The following MAPK8 variants were observed in gnomAD, a reference collection of about 807,000 sequenced individuals.
The protein encoded by MAPK8 is mitogen-activated protein kinase 8.
MAPK8 carries 13 observed loss-of-function variants against 52.9 expected under a neutral mutation model. The ratio of observed to expected loss-of-function variants is 0.25; its 90% CI spans 0.16 to 0.39. The LOEUF is 0.39. Among genes scored for constraint, MAPK8 ranks in the 10% least tolerant of loss-of-function variants. MAPK8 has a pLI of 1.00. For synonymous variants in MAPK8, 191 were observed against 169.8 expected (o/e 1.12, Z -0.97); for missense variants, 300 against 519.2 (o/e 0.58, Z 4.10).
At chr10:48,408,931 GA>G (rs2042603032) in intron 3 of MAPK8, among the ~76,000 whole-genome samples, 1 of 152,136 alleles carries the variant, frequency 6.6e-6, no homozygotes, top group African/African-American at 2.4e-5. Flanking sequence ...GAGAGGGAGA[GA>G]AAAATTGCTC....
At chr10:48,310,999 G>A (rs1454572962) in intron 1 of MAPK8, among the ~76,000 whole-genome samples, 6 of 56,696 alleles carry the variant, frequency 1.1e-4, no homozygotes, top group South Asian at 4.3e-4. Context: ...AGTTCTAATC[G>A]TGCTCCAATC....
intron 5 of MAPK8, among the ~76,000 whole-genome samples, chr10:48,416,573 G>A (rs1410116331): frequency 6.6e-6 from 1 of 152,154 alleles, no homozygotes; most frequent in Non-Finnish European, 1.5e-5. Flanking sequence ...CAGAAACATA[G>A]GAACTGGAAT....
chr10:48,331,098 A>G (rs993568404), intron 1 of MAPK8, among the ~76,000 whole-genome samples: 1 of 152,154 alleles, frequency 6.6e-6, no homozygotes, highest in East Asian at 1.9e-4. Flanking sequence ...CACCCCGTTT[A>G]CTGTCCAACC....
intron 5 of MAPK8, among the ~76,000 whole-genome samples, chr10:48,414,568 A>ATTTTT (rs3047769): frequency 6.8e-5 from 6 of 88,446 alleles, no homozygotes; most frequent in African/African-American, 9.4e-5. Flanking sequence ...GTTGAAAAGA[A>ATTTTT]TTTTTTTTTT....
chr10:48,421,506 G>C (rs1314827168), intron 6 of MAPK8, among the ~76,000 whole-genome samples: 3 of 152,088 alleles, frequency 2.0e-5, no homozygotes, highest in Admixed American at 6.6e-5. Flanking sequence ...AAGAAAAACT[G>C]TCATATATAG....
intron 1 of MAPK8, among the ~76,000 whole-genome samples, chr10:48,360,661 G>A (rs915697467): frequency 5.3e-5 from 8 of 152,106 alleles, no homozygotes; most frequent in African/African-American, 1.9e-4. Context: ...ACTCTCACAC[G>A]CATGTATCAC....
At position 48,436,590 on chromosome 10, in the gene MAPK8, C is replaced by A. The variant is rs1283386957; in HGVS notation, c.*1561C>A. ...AATTTGTGACCAACAGGAGCAAGAA[C>A]AGGTGCGGCTCAACATGCAATGTCT... On this transcript the variant is annotated 3_prime_UTR_variant, in exon 12 of 12. Transcript: ENST00000374189. The A allele has an allele frequency of 6.6e-6, 1 of 152,214 alleles. No homozygotes were observed. The highest frequency in any genetic ancestry group is 2.4e-5 in the African/African-American group (1 of 41,458). The allele number at this position is 152,214 out of a possible 1,614,324, so 9.4% of individuals were successfully genotyped here. A position where few individuals can be genotyped will look rare whatever the true frequency, so the allele number is the denominator to read the frequency against.
At chr10:48,427,637 G>T (rs1019825931) in intron 10 of MAPK8, among the ~76,000 whole-genome samples, 3 of 152,028 alleles carry the variant, frequency 2.0e-5, no homozygotes, top group Non-Finnish European at 2.9e-5. Context: ...GACTACAGGC[G>T]CCTGCCATCA....
chr10:48,326,383 G>A (rs1390745769), intron 1 of MAPK8, among the ~76,000 whole-genome samples: 1 of 152,114 alleles, frequency 6.6e-6, no homozygotes, highest in African/African-American at 2.4e-5. Flanking sequence ...TACTTCCATC[G>A]GTGTGGGTGT....
intron 1 of MAPK8, among the ~76,000 whole-genome samples, chr10:48,342,807 A>G (rs1845433888): frequency 6.6e-6 from 1 of 152,222 alleles, no homozygotes; most frequent in Non-Finnish European, 1.5e-5. Flanking sequence ...TTGAATGTCC[A>G]GATGGAAATG....
At chr10:48,413,843 ATATATATATATATAT>A (rs2042908825) in intron 5 of MAPK8, among the ~76,000 whole-genome samples, 1 of 126,032 alleles carries the variant, frequency 7.9e-6, no homozygotes, top group Non-Finnish European at 1.6e-5. Context: ...ATATATATAT[ATATATATATATATAT>A]ATTCAGAAAT....
rs188385625 is a variant in MAPK8 at position 48,342,152 on chromosome 10, G to T, written c.-50+35331G>T. Among the ~76,000 whole-genome samples, 781 of 152,314 alleles carry T rather than the reference G, an allele frequency of 5.1e-3. 5 individuals are homozygous for T. Among genetic ancestry groups the T allele is most frequent in the Non-Finnish European group, 8.7e-3 (589 of 68,026 alleles). On this transcript the variant is annotated intron_variant, in intron 1 of 11. Coordinates refer to ENST00000374189, the MANE Select transcript of MAPK8 (RefSeq NM_001323329.2). ...AGACGGGGTCTCTGTTGCTTAGGCTGCAGTGCAGTGGCGCTGTCACGGCTG... is the reference window on the plus strand; with the variant it reads ...AGACGGGGTCTCTGTTGCTTAGGCTTCAGTGCAGTGGCGCTGTCACGGCTG...
intron 1 of MAPK8, among the ~76,000 whole-genome samples, chr10:48,392,513 A>G (rs1281329721): frequency 6.6e-6 from 1 of 152,006 alleles, no homozygotes; most frequent in East Asian, 1.9e-4. Flanking sequence ...ACTTTTTCTC[A>G]GTCTTTTGAT....
chr10:48,419,729 T>C (rs1246438460), intron 5 of MAPK8, among the ~76,000 whole-genome samples: 2 of 152,216 alleles, frequency 1.3e-5, no homozygotes, highest in Admixed American at 6.5e-5. Context: ...GTTGTTGACT[T>C]AAAACATCTG....
intron 1 of MAPK8, among the ~76,000 whole-genome samples, chr10:48,328,079 C>T (rs758978245): frequency 1.3e-5 from 2 of 152,034 alleles, no homozygotes; most frequent in Non-Finnish European, 2.9e-5. Context: ...TGCAGTGGTG[C>T]GATCTTGGCT....
At chr10:48,391,132 A>T (rs1430905895) in intron 1 of MAPK8, among the ~76,000 whole-genome samples, 2 of 152,152 alleles carry the variant, frequency 1.3e-5, no homozygotes, top group East Asian at 1.9e-4. Flanking sequence ...AGTTTGGGGG[A>T]TGGTAGTTTA....
intron 1 of MAPK8, among the ~76,000 whole-genome samples, chr10:48,357,237 T>G (rs2132494842): frequency 6.6e-6 from 1 of 152,342 alleles, no homozygotes; most frequent in East Asian, 1.9e-4. Flanking sequence ...TTCACATCTG[T>G]AACATCTGTA....
At chr10:48,326,650 GTATT>G (rs1425223220) in intron 1 of MAPK8, among the ~76,000 whole-genome samples, 5 of 152,104 alleles carry the variant, frequency 3.3e-5, no homozygotes, top group Admixed American at 6.5e-5. Flanking sequence ...AGAGATATAA[GTATT>G]TAATATTATA....
At chr10:48,375,008 A>G (rs560882032) in intron 1 of MAPK8, among the ~76,000 whole-genome samples, 1 of 152,340 alleles carries the variant, frequency 6.6e-6, no homozygotes, top group African/African-American at 2.4e-5. Flanking sequence ...CGGCAAACCA[A>G]ATCCAGCAGC....
Sources: allele counts gnomAD v4.1 joint callset (sites outside exome capture counted in the v4.1 genomes callset), GRCh38; gene constraint gnomAD v4.1.1; transcripts MANE v1.5; gene names NCBI Gene and HGNC (gene_info 2026-07-23, HGNC 2026-07-21).